The following ACOT7 variants were observed in gnomAD, a reference collection of about 807,000 sequenced individuals.
The protein encoded by ACOT7 is acyl-CoA thioesterase 7.
ACOT7 carries 12 observed loss-of-function variants against 40.2 expected under a neutral mutation model. That is an observed-to-expected ratio of 0.30 (90% confidence interval 0.19 to 0.48). The LOEUF (loss-of-function observed/expected upper bound fraction) is 0.48. ACOT7 is among the 20% of genes least tolerant of loss of function. The pLI is 0.99. For missense variants in ACOT7, 395 were observed against 530.8 expected, an observed-to-expected ratio of 0.74 and a Z score of 2.51; for synonymous variants, 228 against 219.5, an observed-to-expected ratio of 1.04 and a Z score of -0.34.
At position 6,327,433 on chromosome 1, in the gene ACOT7, G is replaced by C. The variant is rs1427705437; in HGVS notation, c.511-20C>G. 6.2e-7 allele frequency: 1 copy of C among 1,613,126 alleles called. No homozygotes were observed. Among genetic ancestry groups the C allele is most frequent in the Non-Finnish European group, 8.5e-7 (1 of 1,179,386 alleles). ...GGAATACTGCGAGAAACCAAAGACAGGTCAGGCCCAGGCAGGACACGGCCT... is the reference window on the plus strand; with the variant it reads ...GGAATACTGCGAGAAACCAAAGACACGTCAGGCCCAGGCAGGACACGGCCT... On this transcript the variant is annotated intron_variant, in intron 4 of 8. Transcript: ENST00000361521.
intron 5 of ACOT7, among the ~76,000 whole-genome samples, chr1:6,323,613 G>T (rs1385166841): frequency 6.6e-5 from 10 of 151,218 alleles, no homozygotes; most frequent in Non-Finnish European, 1.3e-4. Flanking sequence ...AGCTACTCAG[G>T]AGGCTGAGGC....
At position 6,327,279 on chromosome 1, in the gene ACOT7, C is replaced by T; in HGVS notation, c.625+20G>A. ...CCCCGGTGAGGAGTGGCACCTGCTG[C>T]TGGTGTCCGCGGCTCTTACCTGGGT... On this transcript the variant is annotated intron_variant, in intron 5 of 8. Transcript: ENST00000361521. 6.2e-7 allele frequency: 1 copy of T among 1,612,942 alleles called. No homozygotes were observed. The highest frequency in any genetic ancestry group is 8.5e-7 in the Non-Finnish European group (1 of 1,179,086).
At chr1:6,379,937 A>G (rs1642304510) in intron 1 of ACOT7, among the ~76,000 whole-genome samples, 1 of 151,690 alleles carries the variant, frequency 6.6e-6, no homozygotes, top group South Asian at 2.1e-4. Context: ...GTGGTGGTGC[A>G]CACCTGTAGT....
chr1:6,291,738 G>C (rs567533532), intron 7 of ACOT7, among the ~76,000 whole-genome samples: 2 of 152,204 alleles, frequency 1.3e-5, no homozygotes, highest in South Asian at 2.1e-4. Flanking sequence ...GGCAGGTGTG[G>C]GGCTCGAGGG....
rs569124772 is a variant in ACOT7, at chr1:6,264,806, CT to C, written c.1015-112del. ...CCCACCCGTGGGATCTGCCCCACCC[CT>C]GGTGCATGCTGAGTACCACGCCTCG... is the stretch of plus-strand genomic sequence containing the variant. On this transcript the variant is annotated intron_variant, in intron 8 of 8. Coordinates refer to ENST00000361521, the MANE Select transcript of ACOT7 (RefSeq NM_007274.4). 124 of 1,104,582 alleles carry C rather than the reference CT, an allele frequency of 1.1e-4. No homozygotes were observed. The African/African-American group carries it at 1.9e-3, about 17-fold the overall frequency. The allele number at this position is 1,104,582 out of a possible 1,614,324, so 68.4% of individuals were successfully genotyped here. A position where few individuals can be genotyped will look rare whatever the true frequency, so the allele number is the denominator to read the frequency against.
rs544824666 is a variant in ACOT7 at position 6,333,655 on chromosome 1, C to T, written c.419-87G>A. The T allele has an allele frequency of 3.0e-6, 4 of 1,321,826 alleles. No homozygotes were observed. The African/African-American group carries it at 4.3e-5, about 14-fold the overall frequency. The allele number at this position is 1,321,826 out of a possible 1,614,324, so 81.9% of individuals were successfully genotyped here. Reference sequence around the variant, plus strand: ...AGGCACGTGGCAGGTGCTGCTCCAGCGCCCGGTCCCAGTACCTGAAACACA... The same window carrying T: ...AGGCACGTGGCAGGTGCTGCTCCAGTGCCCGGTCCCAGTACCTGAAACACA... On this transcript the variant is annotated intron_variant, in intron 3 of 8. Coordinates refer to ENST00000361521, the MANE Select transcript of ACOT7 (RefSeq NM_007274.4).
intron 4 of ACOT7, among the ~76,000 whole-genome samples, chr1:6,332,334 G>T (rs1640978113): frequency 6.6e-6 from 1 of 152,214 alleles, no homozygotes; most frequent in African/African-American, 2.4e-5. Context: ...GGTCACATCT[G>T]TCCTTGGACT....
In ACOT7 at chr1:6,278,578, G is replaced by T. The variant is rs1460909279; in HGVS notation, c.1014+2524C>A. Among the ~76,000 whole-genome samples, 1 of 152,152 alleles carries T rather than the reference G, an allele frequency of 6.6e-6. No homozygotes were observed. The highest frequency in any genetic ancestry group is 2.4e-5 in the African/African-American group (1 of 41,406). ...GGGTGTGATAATGAGTTCCATTCAG[G>T]ACAAACTGTATTTGTGATGCTTTTG... On this transcript the variant is annotated intron_variant, in intron 8 of 8. Transcript: ENST00000361521. The surrounding 1 kb of genome is among the most constrained non-coding windows in gnomAD (Gnocchi z 4.1).
intron 6 of ACOT7, among the ~76,000 whole-genome samples, chr1:6,312,840 G>GT (rs560434005): frequency 3.3e-4 from 51 of 152,292 alleles, no homozygotes; most frequent in African/African-American, 1.2e-3. Flanking sequence ...TACCTACTAT[G>GT]TACCCAAAAA....
At chr1:6,361,689 AG>A (rs1641897587) in intron 1 of ACOT7, among the ~76,000 whole-genome samples, 1 of 152,150 alleles carries the variant, frequency 6.6e-6, no homozygotes, top group African/African-American at 2.4e-5. Flanking sequence ...CCCAGCTACC[AG>A]GGAAGGTGAG....
chr1:6,318,597 G>A lies in ACOT7; in HGVS notation c.626-19C>T, dbSNP rs1557648064. 1 of 1,612,448 alleles carries A rather than the reference G, an allele frequency of 6.2e-7. No individual in the cohort carries two copies. Among genetic ancestry groups the A allele is most frequent in the South Asian group, 1.1e-5 (1 of 90,836 alleles). Reference sequence around the variant, plus strand: ...TTCGGCTCTGGAATTGCAAAAGAGAGAGATTAGTTATGGGGTAGGCTGATT... The same window carrying A: ...TTCGGCTCTGGAATTGCAAAAGAGAAAGATTAGTTATGGGGTAGGCTGATT... On this transcript the variant is annotated intron_variant, in intron 5 of 8. Coordinates refer to ENST00000361521, the MANE Select transcript of ACOT7 (RefSeq NM_007274.4).
At chr1:6,354,100 T>C (rs867885322) in intron 1 of ACOT7, among the ~76,000 whole-genome samples, 2 of 152,214 alleles carry the variant, frequency 1.3e-5, no homozygotes, top group Middle Eastern at 3.4e-3. Context: ...GAGTGGCAGG[T>C]GCTGGGGCCC....
intron 1 of ACOT7, chr1:6,385,779 TAG>T: frequency 6.9e-7 from 1 of 1,441,934 alleles, no homozygotes; most frequent in Non-Finnish European, 9.1e-7. Context: ...CCCTCCCTGA[TAG>T]AAAGCACCAG....
intron 1 of ACOT7, among the ~76,000 whole-genome samples, chr1:6,370,307 T>C (rs1453461209): frequency 1.3e-5 from 2 of 151,976 alleles, no homozygotes; most frequent in Non-Finnish European, 2.9e-5. Flanking sequence ...CAAATAAAGC[T>C]CTTTCCTTCA....
Position 6,288,791 on chromosome 1 carries a change from G to C in ACOT7, c.829+6073C>G, listed in dbSNP as rs929893375. Among the ~76,000 whole-genome samples, 1 of 152,226 alleles carries C rather than the reference G, an allele frequency of 6.6e-6. No homozygotes were observed. The highest frequency in any genetic ancestry group is 1.5e-5 in the Non-Finnish European group (1 of 68,042). ...CAGCCACGACAAGTGCCCCAAGTTC[G>C]TAAGTTCCTCCTAGGCACACACCCT... On this transcript the variant is annotated intron_variant, in intron 7 of 8. Transcript: ENST00000361521. This position sits in a 1 kb window ranked among gnomAD's most constrained non-coding sequence, Gnocchi z 4.3.
At chr1:6,295,536 A>G (rs780206062) in intron 6 of ACOT7, 1 of 152,664 alleles carries the variant, frequency 6.6e-6, no homozygotes, top group Non-Finnish European at 1.5e-5. Flanking sequence ...TAGCAGCCAA[A>G]AAGTGGAAAC....
In ACOT7 at chr1:6,282,567, A is replaced by C. The variant is rs542016893; in HGVS notation, c.830-1281T>G. On this transcript the variant is annotated intron_variant, in intron 7 of 8. Transcript: ENST00000361521. The surrounding 1 kb of genome is among the most constrained non-coding windows in gnomAD (Gnocchi z 4.5). Reference sequence around the variant, plus strand: ...CTGGAACCCCCAGTGTCCTAGCTGCACCGAGACCAGCCTCACAAGGCAGGT... The same window carrying C: ...CTGGAACCCCCAGTGTCCTAGCTGCCCCGAGACCAGCCTCACAAGGCAGGT... Among the ~76,000 whole-genome samples, 52 of 152,312 alleles carry C rather than the reference A, an allele frequency of 3.4e-4. No individual in the cohort carries two copies. Among genetic ancestry groups the C allele is most frequent in the African/African-American group, 1.2e-3 (50 of 41,578 alleles).
intron 8 of ACOT7, among the ~76,000 whole-genome samples, chr1:6,270,116 G>C (rs1225198794): frequency 6.6e-6 from 1 of 152,192 alleles, no homozygotes; most frequent in African/African-American, 2.4e-5. Context: ...TTGCTAAATA[G>C]TTCTCCTACC....
intron 4 of ACOT7, among the ~76,000 whole-genome samples, chr1:6,332,681 T>C (rs139415861): frequency 0.028 from 4,163 of 151,006 alleles, 205 homozygotes; most frequent in African/African-American, 0.096. Flanking sequence ...ATTAGCTGGG[T>C]GTGGTGGCGG....
Sources: allele counts gnomAD v4.1 joint callset (sites outside exome capture counted in the v4.1 genomes callset), GRCh38; gene constraint gnomAD v4.1.1; non-coding constraint Gnocchi (gnomAD v3.1); transcripts MANE v1.5; gene names NCBI Gene and HGNC (gene_info 2026-07-23, HGNC 2026-07-21).